The following GNA14 variants were observed in gnomAD, a reference collection of about 807,000 sequenced individuals.
The protein encoded by GNA14 is guanine nucleotide-binding protein subunit alpha-14.
GNA14 carries 50 observed loss-of-function variants against 42.0 expected under a neutral mutation model. The ratio of observed to expected loss-of-function variants is 1.19; its 90% CI spans 0.95 to 1.51. The LOEUF (loss-of-function observed/expected upper bound fraction) is 1.51. Ranked by LOEUF, GNA14 falls within the 40% of genes most tolerant of loss-of-function variation. The pLI is 0.00. For synonymous variants in GNA14, 173 were observed against 163.1 expected (o/e 1.06, Z -0.46); for missense variants, 473 against 446.2 (o/e 1.06, Z -0.54).
At chr9:77,498,672 G>A (rs531675360) in intron 2 of GNA14, among the ~76,000 whole-genome samples, 207 of 152,260 alleles carry the variant, frequency 1.4e-3, no homozygotes, top group Middle Eastern at 3.4e-3. Context: ...TTGAGAGAAC[G>A]CCATCCAATC....
chr9:77,630,637 TC>T (rs1824083099), intron 1 of GNA14, among the ~76,000 whole-genome samples: 1 of 152,176 alleles, frequency 6.6e-6, no homozygotes, highest in Non-Finnish European at 1.5e-5. Context: ...TTAAGAAACA[TC>T]CCTTTAATTT....
intron 2 of GNA14, among the ~76,000 whole-genome samples, chr9:77,449,492 G>T: frequency 6.6e-6 from 1 of 152,134 alleles, no homozygotes; most frequent in South Asian, 2.1e-4. Context: ...GTTCAATATC[G>T]TATTGTTTGT....
At chr9:77,537,152 G>C (rs1837608110) in intron 1 of GNA14, among the ~76,000 whole-genome samples, 1 of 152,030 alleles carries the variant, frequency 6.6e-6, no homozygotes. Flanking sequence ...ACTCTACTTT[G>C]CTATCAAATA....
rs1217787867 is a variant in GNA14, at chr9:77,622,754, C to T, written c.124+24916G>A. 5.2e-5 allele frequency among the ~76,000 whole-genome samples: 7 copies of T among 135,374 alleles called. No homozygotes were observed. In the Admixed American group the frequency reaches 5.2e-4, roughly 10 times the overall value. The allele number at this position is 135,374 out of a possible 152,430, so 88.8% of individuals were successfully genotyped here. A position where few individuals can be genotyped will look rare whatever the true frequency, so the allele number is the denominator to read the frequency against. On this transcript the variant is annotated intron_variant, in intron 1 of 6. Coordinates refer to ENST00000341700, the MANE Select transcript of GNA14 (RefSeq NM_004297.4). The stretch of plus-strand genomic sequence containing the variant: ...TACAAAAAAAAGAAAAATAGCCAGG[C>T]GTGGTGGCGGGTGCCTGTAGTCCCA...
intron 2 of GNA14, among the ~76,000 whole-genome samples, chr9:77,495,295 T>A (rs1190175838): frequency 6.6e-6 from 1 of 151,948 alleles, no homozygotes; most frequent in Non-Finnish European, 1.5e-5. Context: ...ATGTAGCTAG[T>A]TAGTAGCTAA....
chr9:77,461,293 C>T (rs1458853775), intron 2 of GNA14, among the ~76,000 whole-genome samples: 1 of 152,222 alleles, frequency 6.6e-6, no homozygotes, highest in Non-Finnish European at 1.5e-5. Context: ...GCTCCCACCC[C>T]AGATAATGAC....
At chr9:77,611,894 G>A (rs1823740409) in intron 1 of GNA14, among the ~76,000 whole-genome samples, 1 of 152,100 alleles carries the variant, frequency 6.6e-6, no homozygotes, top group South Asian at 2.1e-4. Flanking sequence ...AATACACTCT[G>A]AGTGCTCTCA....
intron 1 of GNA14, among the ~76,000 whole-genome samples, chr9:77,616,283 G>A (rs1005710379): frequency 2.0e-5 from 3 of 152,190 alleles, no homozygotes; most frequent in East Asian, 1.9e-4. Context: ...TTGCTTAGGC[G>A]TGACCCTACC....
At chr9:77,626,826 T>C (rs1824019462) in intron 1 of GNA14, among the ~76,000 whole-genome samples, 1 of 151,824 alleles carries the variant, frequency 6.6e-6, no homozygotes, top group Non-Finnish European at 1.5e-5. Flanking sequence ...TGAAAAGAAC[T>C]AGAGAAGCAA....
intron 2 of GNA14, among the ~76,000 whole-genome samples, chr9:77,527,145 GA>G (rs1837452323): frequency 6.6e-6 from 1 of 152,108 alleles, no homozygotes; most frequent in Non-Finnish European, 1.5e-5. Flanking sequence ...TACAACAGGG[GA>G]AAAACAGATG....
At chr9:77,429,306 A>C (rs1835506967) in intron 4 of GNA14, among the ~76,000 whole-genome samples, 1 of 152,168 alleles carries the variant, frequency 6.6e-6, no homozygotes, top group Non-Finnish European at 1.5e-5. Context: ...TTAGGAAGCT[A>C]ACCAGTGTCC....
chr9:77,557,048 G>A (rs1393696320), intron 1 of GNA14, among the ~76,000 whole-genome samples: 3 of 152,238 alleles, frequency 2.0e-5, no homozygotes, highest in African/African-American at 7.2e-5. Flanking sequence ...GCCAGGCAAT[G>A]ACCTTCTTGC....
intron 1 of GNA14, among the ~76,000 whole-genome samples, chr9:77,546,566 T>C (rs1209170958): frequency 6.6e-6 from 1 of 152,122 alleles, no homozygotes; most frequent in African/African-American, 2.4e-5. Context: ...TAGGCTTGAG[T>C]TTACACTCCT....
intron 1 of GNA14, among the ~76,000 whole-genome samples, chr9:77,555,529 T>C (rs563077854): frequency 6.6e-6 from 1 of 152,208 alleles, no homozygotes; most frequent in African/African-American, 2.4e-5. Flanking sequence ...TCCCCACATA[T>C]ATGCCTGAGT....
At chr9:77,626,596 A>G (rs750331368) in intron 1 of GNA14, among the ~76,000 whole-genome samples, 15 of 152,164 alleles carry the variant, frequency 9.9e-5, no homozygotes, top group Non-Finnish European at 2.1e-4. Flanking sequence ...ACTCAAAATC[A>G]TAAAACTGCA....
chr9:77,441,297 G>C (rs943284370), intron 2 of GNA14, among the ~76,000 whole-genome samples: 1 of 152,110 alleles, frequency 6.6e-6, no homozygotes, highest in African/African-American at 2.4e-5. Context: ...CATGAGATGT[G>C]ATGGTTTCCT....
chr9:77,525,576 T>C (rs1837420764), intron 2 of GNA14, among the ~76,000 whole-genome samples: 1 of 151,206 alleles, frequency 6.6e-6, no homozygotes, highest in Admixed American at 6.6e-5. Flanking sequence ...TCTCGCTCTG[T>C]TGCCCAGGCT....
chr9:77,635,662 G>A (rs1824173113), intron 1 of GNA14, among the ~76,000 whole-genome samples: 1 of 152,198 alleles, frequency 6.6e-6, no homozygotes, highest in South Asian at 2.1e-4. Context: ...TTGCATTGAT[G>A]TGTATATTTA....
At chr9:77,477,938 T>A (rs1163856662) in intron 2 of GNA14, among the ~76,000 whole-genome samples, 1 of 150,308 alleles carries the variant, frequency 6.7e-6, no homozygotes, top group Non-Finnish European at 1.5e-5. Flanking sequence ...ATAAGAAAAT[T>A]AAAGAACTAT....
Sources: gnomAD v4.1 joint callset for allele counts (sites outside exome capture counted in the v4.1 genomes callset) on GRCh38, gnomAD v4.1.1 for gene constraint, MANE v1.5 for transcripts, NCBI Gene and HGNC (gene_info 2026-07-23, HGNC 2026-07-21) for gene names.